Variants in FRK observed in about 807,000 individuals in gnomAD.
FRK encodes the protein fyn related Src family tyrosine kinase, also known as tyrosine-protein kinase FRK.
In FRK, 51 loss-of-function variants were observed where a neutral mutation model predicts 56.4. The observed-to-expected ratio is 0.90, with a 90% CI of 0.72 to 1.14. The LOEUF is 1.14. FRK is among the 50% of genes most tolerant of loss of function. The pLI is 0.00. For synonymous variants in FRK, 245 were observed against 217.9 expected, an observed-to-expected ratio of 1.12 and a Z score of -1.10; for missense variants, 570 against 601.4, an observed-to-expected ratio of 0.95 and a Z score of 0.55.
chr6:115,972,982 A>T (rs1207875394), intron 2 of FRK, among the ~76,000 whole-genome samples: 2 of 152,230 alleles, frequency 1.3e-5, no homozygotes, highest in Admixed American at 6.5e-5. Context: ...ATATTATGTC[A>T]TCTGTGTTCA....
chr6:115,968,505 G>A, intron 3 of FRK, 71 bp downstream of exon 3: 1 of 1,537,436 alleles, frequency 6.5e-7, no homozygotes, highest in East Asian at 2.3e-5. Flanking sequence ...GATATTCCAT[G>A]AAAAATACTC....
At chr6:116,100,053 A>T in the FRK span, among the ~76,000 whole-genome samples, 1 of 152,256 alleles carries the variant, frequency 6.6e-6, no homozygotes, top group Admixed American at 6.5e-5. Context: ...GAATTAAGCA[A>T]ATGTCACTCA....
intron 1 of FRK, among the ~76,000 whole-genome samples, chr6:116,048,888 C>T (rs554887523): frequency 3.3e-5 from 5 of 152,110 alleles, no homozygotes; most frequent in South Asian, 2.1e-4. Flanking sequence ...GTATGCTTAG[C>T]GCATTGAATG....
At chr6:116,054,726 T>A (rs932379324) in intron 1 of FRK, among the ~76,000 whole-genome samples, 1 of 151,598 alleles carries the variant, frequency 6.6e-6, no homozygotes, top group Non-Finnish European at 1.5e-5. Context: ...CATTTAGTCT[T>A]CCCTGACAAC....
chr6:115,973,022 C>T (rs753420396), intron 2 of FRK, among the ~76,000 whole-genome samples: 16 of 152,142 alleles, frequency 1.1e-4, no homozygotes, highest in Non-Finnish European at 2.4e-4. Flanking sequence ...GCAGTGATAT[C>T]ATTCATTAAT....
At chr6:116,066,660 C>T in the FRK span, among the ~76,000 whole-genome samples, 1 of 152,200 alleles carries the variant, frequency 6.6e-6, no homozygotes, top group African/African-American at 2.4e-5. Context: ...TCCCTTCCCT[C>T]CATCTGGCAC....
In FRK at chr6:115,952,537, A is replaced by G. The variant is rs562928266; in HGVS notation, c.958+3915T>C. Among the ~76,000 whole-genome samples, 16 of 152,218 alleles carry G rather than the reference A, an allele frequency of 1.1e-4. No individual in the cohort carries two copies. The East Asian group carries it at 1.9e-3, about 18-fold the overall frequency. On this transcript the variant is annotated intron_variant, in intron 5 of 7. Coordinates refer to ENST00000606080, the MANE Select transcript of FRK (RefSeq NM_002031.3). ...GGTGATTCCTCAGGGATCTAGAACT[A>G]GAAATACCATTTGACCCAGCCATCC...
At chr6:116,022,306 T>C (rs1182103791) in intron 1 of FRK, among the ~76,000 whole-genome samples, 1 of 152,090 alleles carries the variant, frequency 6.6e-6, no homozygotes, top group Non-Finnish European at 1.5e-5. Context: ...AAAAAATGTT[T>C]TCCAATTTGT....
At chr6:116,028,336 T>G (rs907969774) in intron 1 of FRK, among the ~76,000 whole-genome samples, 2 of 152,224 alleles carry the variant, frequency 1.3e-5, no homozygotes, top group African/African-American at 4.8e-5. Flanking sequence ...TTTGATTATT[T>G]AAAAACTGGA....
intron 3 of FRK, 90 bp from the exon 4 acceptor site, chr6:115,967,809 A>C: frequency 9.5e-7 from 1 of 1,057,772 alleles, no homozygotes; most frequent in Non-Finnish European, 1.3e-6. Context: ...GGTACTTTTA[A>C]ATAAAACTTC....
intron 5 of FRK, among the ~76,000 whole-genome samples, chr6:115,951,253 A>C (rs948184238): frequency 3.3e-5 from 5 of 152,210 alleles, no homozygotes; most frequent in African/African-American, 1.2e-4. Flanking sequence ...AAGGTACTAC[A>C]GTGTTTTTTA....
chr6:116,032,741 T>C (rs1468033677), intron 1 of FRK, among the ~76,000 whole-genome samples: 1 of 152,024 alleles, frequency 6.6e-6, no homozygotes, highest in Non-Finnish European at 1.5e-5. Context: ...GGGAGAAACA[T>C]CTTTGAGATG....
At chr6:116,095,532 G>A in the FRK span, among the ~76,000 whole-genome samples, 1 of 152,138 alleles carries the variant, frequency 6.6e-6, no homozygotes, top group African/African-American at 2.4e-5. Context: ...CTAATCTTAT[G>A]GACATCATAC....
intron 2 of FRK, among the ~76,000 whole-genome samples, chr6:115,999,543 C>G (rs1439913909): frequency 6.6e-6 from 1 of 152,158 alleles, no homozygotes; most frequent in Non-Finnish European, 1.5e-5. Flanking sequence ...TTTCTGACAG[C>G]TCCAAGCCAT....
chr6:116,073,765 T>C, the FRK span, among the ~76,000 whole-genome samples: 1 of 152,196 alleles, frequency 6.6e-6, no homozygotes, highest in African/African-American at 2.4e-5. Flanking sequence ...CTCATAAGTA[T>C]TAATCAATTC....
Position 115,943,184 on chromosome 6 carries a change from ACC to A in FRK, c.1141-1_1141del. On this transcript the variant is annotated splice_acceptor_variant and coding_sequence_variant, in exon 7 of 8. Coordinates refer to ENST00000606080, the MANE Select transcript of FRK (RefSeq NM_002031.3). LOFTEE classifies it high-confidence loss of function. Reference sequence around the variant, plus strand: ...AGATTCATAGATGTCTTCATTATCTACCTGTTCATGTATTAAGGAATCAGGCC... The same window carrying A: ...AGATTCATAGATGTCTTCATTATCTATGTTCATGTATTAAGGAATCAGGCC... 1 of 1,601,666 alleles carries A rather than the reference ACC, an allele frequency of 6.2e-7. No homozygotes were observed. Among genetic ancestry groups the A allele is most frequent in the Non-Finnish European group, 8.5e-7 (1 of 1,175,506 alleles).
the FRK span, among the ~76,000 whole-genome samples, chr6:116,078,863 T>C: frequency 6.6e-6 from 1 of 152,202 alleles, no homozygotes; most frequent in South Asian, 2.1e-4. Context: ...TAATTTTGCC[T>C]ACATTTTTGT....
rs1582625244 is a variant in FRK at position 115,942,183 on chromosome 6, C to T, written c.*231G>A. On this transcript the variant is annotated 3_prime_UTR_variant, in exon 8 of 8. Coordinates refer to ENST00000606080, the MANE Select transcript of FRK (RefSeq NM_002031.3). ...AAGAAAAATAACTTGGTTTAGTGTG[C>T]TTAATTTTACCAGGCAGTGAGGAAA... 4.0e-5 allele frequency: 17 copies of T among 421,282 alleles called. No homozygotes were observed. Among genetic ancestry groups the T allele is most frequent in the Middle Eastern group, 6.9e-4 (1 of 1,440 alleles). 26.1% of individuals were successfully genotyped at this position (421,282 alleles called of 1,614,324 possible).
At chr6:115,959,894 T>C (rs1321625010) in intron 4 of FRK, among the ~76,000 whole-genome samples, 1 of 152,156 alleles carries the variant, frequency 6.6e-6, no homozygotes, top group Non-Finnish European at 1.5e-5. Flanking sequence ...CACCAGAGGA[T>C]CCCAGTGTTT....
Sources: allele counts gnomAD v4.1 joint callset (sites outside exome capture counted in the v4.1 genomes callset), GRCh38; gene constraint gnomAD v4.1.1; transcripts MANE v1.5; gene names NCBI Gene and HGNC (gene_info 2026-07-23, HGNC 2026-07-21).